AGAP1: variants seen among roughly 807,000 people sequenced by gnomAD.
AGAP1 encodes the protein ArfGAP with GTPase domain, ankyrin repeat and PH domain 1.
AGAP1 carries 29 observed loss-of-function variants against 105.3 expected under a neutral mutation model. The ratio of observed to expected loss-of-function variants is 0.28; its 90% CI spans 0.21 to 0.38. AGAP1 has a LOEUF of 0.38. AGAP1 is among the 10% of genes least tolerant of loss of function. The probability of loss-of-function intolerance (pLI) is 1.00; values close to 1 mark genes in which losing one functional copy is unlikely to be tolerated. For synonymous variants in AGAP1, 509 were observed against 485.9 expected (o/e 1.05, Z -0.63); for missense variants, 998 against 1,165.1 (o/e 0.86, Z 2.09).
intron 13 of AGAP1, among the ~76,000 whole-genome samples, chr2:235,984,481 T>TC (rs2055222483): frequency 7.5e-6 from 1 of 133,900 alleles, no homozygotes; most frequent in Admixed American, 8.0e-5. Flanking sequence ...TTTTTTTTTT[T>TC]CCTTTATTTC....
chr2:235,743,026 G>T (rs1952680673), intron 4 of AGAP1, among the ~76,000 whole-genome samples: 1 of 152,170 alleles, frequency 6.6e-6, no homozygotes, highest in Admixed American at 6.5e-5. Context: ...AATTAGCCAG[G>T]CGTGGTGGCA....
intron 10 of AGAP1, among the ~76,000 whole-genome samples, chr2:235,896,462 A>G (rs938341210): frequency 9.2e-5 from 14 of 152,232 alleles, no homozygotes; most frequent in Admixed American, 6.5e-5. Context: ...TGGGAAAGCT[A>G]CAGAGTATGG....
At chr2:235,640,444 A>G (rs1264150944) in intron 1 of AGAP1, among the ~76,000 whole-genome samples, 1 of 152,218 alleles carries the variant, frequency 6.6e-6, no homozygotes, top group Non-Finnish European at 1.5e-5. Flanking sequence ...TGCATTACCC[A>G]TCTCAGAACT....
At chr2:235,860,751 G>A (rs989545849) in intron 9 of AGAP1, among the ~76,000 whole-genome samples, 10 of 152,270 alleles carry the variant, frequency 6.6e-5, no homozygotes, top group South Asian at 4.1e-4. Flanking sequence ...CTATTCAGCC[G>A]TTCTTTTTTG....
chr2:235,739,427 C>T lies in AGAP1; in HGVS notation c.311-1536C>T, dbSNP rs568343251. Among the ~76,000 whole-genome samples the T allele has an allele frequency of 1.3e-5, 2 of 152,220 alleles. No individual in the cohort carries two copies. The highest frequency in any genetic ancestry group is 2.1e-4 in the South Asian group (1 of 4,834). ...GCAGCTGGGGCTCACCCTGTCTGGACCCAGCGGCCTGACTGGCCTGGATGT... is the reference window on the plus strand; with the variant it reads ...GCAGCTGGGGCTCACCCTGTCTGGATCCAGCGGCCTGACTGGCCTGGATGT... On this transcript the variant is annotated intron_variant, in intron 3 of 17. Coordinates refer to ENST00000304032, the MANE Select transcript of AGAP1 (RefSeq NM_001037131.3). The surrounding 1 kb of genome is among the most constrained non-coding windows in gnomAD (Gnocchi z 5.3).
rs2049134414 is a variant in AGAP1 at position 235,865,672 on chromosome 2, A to G, written c.1051-17673A>G. ...ATAATAGGTGCTCTGGAGGAGGGGC[A>G]GGGCGGGAAATATTACTATTTTAAA... On this transcript the variant is annotated intron_variant, in intron 9 of 17. Coordinates refer to ENST00000304032, the MANE Select transcript of AGAP1 (RefSeq NM_001037131.3). This position sits in a 1 kb window ranked among gnomAD's most constrained non-coding sequence, Gnocchi z 6.2. Among the ~76,000 whole-genome samples the G allele has an allele frequency of 6.6e-6, 1 of 152,158 alleles. No homozygotes were observed.
At chr2:235,570,632 C>G (rs62189170) in intron 1 of AGAP1, among the ~76,000 whole-genome samples, 1 of 152,134 alleles carries the variant, frequency 6.6e-6, no homozygotes, top group Admixed American at 6.5e-5. Flanking sequence ...CAGTGCTGCT[C>G]TTTGGCCTCG....
chr2:235,899,234 C>T (rs1001527927), intron 10 of AGAP1, among the ~76,000 whole-genome samples: 4 of 152,130 alleles, frequency 2.6e-5, no homozygotes, highest in East Asian at 1.9e-4. Context: ...ACTGTTTGGC[C>T]GGGCGCGGTG....
rs1947928205 is a variant in AGAP1 at position 235,660,965 on chromosome 2, C to T, written c.164-48214C>T. On this transcript the variant is annotated intron_variant, in intron 1 of 17. Coordinates refer to ENST00000304032, the MANE Select transcript of AGAP1 (RefSeq NM_001037131.3). This position sits in a 1 kb window ranked among gnomAD's most constrained non-coding sequence, Gnocchi z 5.3. Reference sequence around the variant, plus strand: ...TGCAACTGTGGAGACTGGAGGGTGTCGGGGCGTTGAATACTGGTTAAGGAA... The same window carrying T: ...TGCAACTGTGGAGACTGGAGGGTGTTGGGGCGTTGAATACTGGTTAAGGAA... 6.6e-6 allele frequency among the ~76,000 whole-genome samples: 1 copy of T among 152,078 alleles called. No homozygotes were observed. The highest frequency in any genetic ancestry group is 2.4e-5 in the African/African-American group (1 of 41,378).
rs1028306481 is a variant in AGAP1 at position 235,799,405 on chromosome 2, C to A, written c.840C>A (p.Ser280=). Residue 280 remains serine (S), a synonymous_variant, in exon 8 of 18, where the codon TCC becomes TCA. Transcript: ENST00000304032. The surrounding 1 kb of genome is among the most constrained non-coding windows in gnomAD (Gnocchi z 5.0). The stretch of plus-strand genomic sequence containing the variant: ...GTGGGAGTTTAAGCGACTATTCCTC[C>A]TCCGTTCCATCGACTCCCAGCACCA... ...NGGGSLSDYS[S]SVPSTPSTSQ... The A allele has an allele frequency of 1.9e-6, 3 of 1,614,114 alleles. No individual in the cohort carries two copies. In the Admixed American group the frequency reaches 5.0e-5, roughly 27 times the overall value.
rs2125859325 is a variant in AGAP1, at chr2:236,087,972, T to G, written c.2115-32220T>G. ...GGACAGGGAGGACGAGAGACCTGCT[T>G]GGTATCCTTGGCCCCGGGGTCCAGG... is the stretch of plus-strand genomic sequence containing the variant. On this transcript the variant is annotated intron_variant, in intron 16 of 17. Transcript: ENST00000304032. This position sits in a 1 kb window ranked among gnomAD's most constrained non-coding sequence, Gnocchi z 5.7. Among the ~76,000 whole-genome samples the G allele has an allele frequency of 6.6e-6, 1 of 152,296 alleles. No homozygotes were observed. The highest frequency in any genetic ancestry group is 2.4e-5 in the African/African-American group (1 of 41,568).
intron 1 of AGAP1, among the ~76,000 whole-genome samples, chr2:235,514,715 G>A (rs566357513): frequency 6.6e-4 from 100 of 152,370 alleles, no homozygotes; most frequent in Admixed American, 1.9e-3. Flanking sequence ...GCTGTGACGT[G>A]GGCTGCACGT....
Position 235,965,392 on chromosome 2 carries a change from C to A in AGAP1, c.1484-3070C>A, listed in dbSNP as rs1032603329. Among the ~76,000 whole-genome samples, 1 of 151,910 alleles carries A rather than the reference C, an allele frequency of 6.6e-6. No homozygotes were observed. On this transcript the variant is annotated intron_variant, in intron 12 of 17. Coordinates refer to ENST00000304032, the MANE Select transcript of AGAP1 (RefSeq NM_001037131.3). This position sits in a 1 kb window ranked among gnomAD's most constrained non-coding sequence, Gnocchi z 5.8. ...TAAGGGAAAGGAAGTCTTACGGGGG[C>A]GAAGGAAGGCACAGTGAAACAGTGT...
At chr2:235,671,673 A>G (rs980873602) in intron 1 of AGAP1, among the ~76,000 whole-genome samples, 1 of 152,190 alleles carries the variant, frequency 6.6e-6, no homozygotes, top group African/African-American at 2.4e-5. Context: ...TGGCATCTTA[A>G]TGAGGAGAGC....
At chr2:235,806,076 G>A (rs369587376) in intron 8 of AGAP1, among the ~76,000 whole-genome samples, 1 of 152,114 alleles carries the variant, frequency 6.6e-6, no homozygotes, top group Non-Finnish European at 1.5e-5. Flanking sequence ...CGTCCCATCA[G>A]CCCTTGTTTG....
chr2:235,991,512 C>A (rs1208479732), intron 13 of AGAP1, among the ~76,000 whole-genome samples: 2 of 152,168 alleles, frequency 1.3e-5, no homozygotes, highest in African/African-American at 4.8e-5. Flanking sequence ...GAGTTCAAGT[C>A]CTGCCTGGGC....
intron 12 of AGAP1, among the ~76,000 whole-genome samples, chr2:235,937,281 G>A (rs2053038918): frequency 6.6e-6 from 1 of 152,206 alleles, no homozygotes; most frequent in African/African-American, 2.4e-5. Context: ...GCTCCCTTCT[G>A]TGCTCGGAGC....
intron 9 of AGAP1, among the ~76,000 whole-genome samples, chr2:235,860,833 A>ATC (rs1297501672): frequency 6.6e-6 from 1 of 152,216 alleles, no homozygotes; most frequent in Non-Finnish European, 1.5e-5. Flanking sequence ...AAAAATAAAT[A>ATC]TTTACCAAGA....
rs963855056 is a variant in AGAP1 at position 235,919,734 on chromosome 2, T to C, written c.1324+10828T>C. 6.6e-6 allele frequency among the ~76,000 whole-genome samples: 1 copy of C among 152,226 alleles called. No homozygotes were observed. Among genetic ancestry groups the C allele is most frequent in the Non-Finnish European group, 1.5e-5 (1 of 68,042 alleles). On this transcript the variant is annotated intron_variant, in intron 11 of 17. Transcript: ENST00000304032. This position sits in a 1 kb window ranked among gnomAD's most constrained non-coding sequence, Gnocchi z 4.1. The stretch of plus-strand genomic sequence containing the variant: ...AACACACACACACACACCTGTTGCA[T>C]TTATCATATAAAGGAGAAAGAATAT...
Sources: allele counts gnomAD v4.1 joint callset (sites outside exome capture counted in the v4.1 genomes callset), GRCh38; gene constraint gnomAD v4.1.1; non-coding constraint Gnocchi (gnomAD v3.1); transcripts MANE v1.5; gene names NCBI Gene and HGNC (gene_info 2026-07-23, HGNC 2026-07-21).